Variants in MARCHF5 observed in about 807,000 individuals in gnomAD.
MARCHF5 encodes membrane associated ring-CH-type finger 5.
A neutral mutation model predicts 36.5 loss-of-function variants in MARCHF5; 5 were observed. The ratio of observed to expected loss-of-function variants is 0.14; its 90% CI spans 0.07 to 0.29. The LOEUF (loss-of-function observed/expected upper bound fraction) is 0.29. Ranked by LOEUF, MARCHF5 falls within the 10% of genes least tolerant of loss-of-function variation. The pLI is 1.00. For synonymous variants in MARCHF5, 103 were observed against 109.9 expected, an observed-to-expected ratio of 0.94 and a Z score of 0.39; for missense variants, 179 against 336.3, an observed-to-expected ratio of 0.53 and a Z score of 3.66.
intron 2 of MARCHF5, among the ~76,000 whole-genome samples, chr10:92,321,970 C>T (rs918372178): frequency 7.9e-5 from 12 of 151,726 alleles, no homozygotes; most frequent in African/African-American, 2.2e-4. Context: ...GTTGGCCAGG[C>T]GTGGTGGCTC....
intron 1 of MARCHF5, among the ~76,000 whole-genome samples, chr10:92,297,166 CT>C (rs767761093): frequency 0.025 from 3,479 of 137,778 alleles, 53 homozygotes; most frequent in African/African-American, 0.054. Context: ...TAATAGACTA[CT>C]TTTTTTTTTT....
chr10:92,333,443 A>C (rs1843464181), intron 2 of MARCHF5: 1 of 153,586 alleles, frequency 6.5e-6, no homozygotes, highest in Non-Finnish European at 1.4e-5. Flanking sequence ...TTTTTTAAGC[A>C]CCGATCTGTA....
chr10:92,292,790 C>T (rs1206794131), intron 1 of MARCHF5, among the ~76,000 whole-genome samples: 1 of 152,112 alleles, frequency 6.6e-6, no homozygotes, highest in Non-Finnish European at 1.5e-5. Flanking sequence ...CAGAAACTTA[C>T]TATTGTTTAT....
chr10:92,291,417 C>A lies in MARCHF5; in HGVS notation c.-78C>A. 4 of 1,290,404 alleles carry A rather than the reference C, an allele frequency of 3.1e-6. No homozygotes were observed. The highest frequency in any genetic ancestry group is 3.3e-6 in the Non-Finnish European group (3 of 914,004). The allele number at this position is 1,290,404 out of a possible 1,614,324, so 79.9% of individuals were successfully genotyped here. On this transcript the variant is annotated 5_prime_UTR_variant, in exon 1 of 6. Transcript: ENST00000358935. ...CGCCGGACTGCGGCCTACTCCGCCG[C>A]CTCTCAGTGCTATTGTCCCTGGGCC...
intron 2 of MARCHF5, among the ~76,000 whole-genome samples, chr10:92,320,751 G>T (rs962050453): frequency 2.0e-5 from 3 of 151,632 alleles, no homozygotes; most frequent in Non-Finnish European, 2.9e-5. Context: ...AGTTAAAAGT[G>T]TATAGAGTTT....
rs185341212 is a variant in MARCHF5, at chr10:92,308,236, C to T, written c.36-2899C>T. ...GATTATAGGCATGAGCCACCGCGCCCAGCCTATGCTTCCCCTTTCTAGATC... is the reference window on the plus strand; with the variant it reads ...GATTATAGGCATGAGCCACCGCGCCTAGCCTATGCTTCCCCTTTCTAGATC... On this transcript the variant is annotated intron_variant, in intron 1 of 5. Coordinates refer to ENST00000358935, the MANE Select transcript of MARCHF5 (RefSeq NM_017824.5). Among the ~76,000 whole-genome samples the T allele has an allele frequency of 6.5e-4, 99 of 152,098 alleles. 1 individual carries two copies. Among genetic ancestry groups the T allele is most frequent in the Admixed American group, 5.8e-3 (89 of 15,260 alleles).
chr10:92,314,751 C>T (rs902805217), intron 2 of MARCHF5, among the ~76,000 whole-genome samples: 9 of 136,758 alleles, frequency 6.6e-5, no homozygotes, highest in African/African-American at 2.5e-4. Context: ...TCCCCCCGCC[C>T]CCCCCCGCCA....
chr10:92,337,766 A>G (rs896583588), intron 2 of MARCHF5, among the ~76,000 whole-genome samples: 2 of 152,052 alleles, frequency 1.3e-5, no homozygotes, highest in Non-Finnish European at 2.9e-5. Flanking sequence ...AGGGGATAGG[A>G]TCATCTAGTG....
intron 1 of MARCHF5, among the ~76,000 whole-genome samples, chr10:92,305,129 C>T (rs1403638748): frequency 6.6e-6 from 1 of 152,062 alleles, no homozygotes; most frequent in Non-Finnish European, 1.5e-5. Flanking sequence ...ATTTACAGGG[C>T]CAGGCACGAT....
chr10:92,339,029 A>G (rs1267497446), intron 2 of MARCHF5, among the ~76,000 whole-genome samples: 1 of 148,546 alleles, frequency 6.7e-6, no homozygotes, highest in South Asian at 2.1e-4. Flanking sequence ...TGGGCAACAA[A>G]GCAAAACTCT....
intron 1 of MARCHF5, among the ~76,000 whole-genome samples, chr10:92,294,271 G>C (rs1014843682): frequency 6.6e-6 from 1 of 152,104 alleles, no homozygotes; most frequent in Non-Finnish European, 1.5e-5. Context: ...TTTGAACTTA[G>C]ATTCTGACAC....
chr10:92,296,362 A>G (rs1842948759), intron 1 of MARCHF5, among the ~76,000 whole-genome samples: 1 of 152,162 alleles, frequency 6.6e-6, no homozygotes, highest in Admixed American at 6.5e-5. Flanking sequence ...AACCATTCAT[A>G]AGCCCAAACC....
At chr10:92,318,321 G>A (rs1241100033) in intron 2 of MARCHF5, among the ~76,000 whole-genome samples, 1 of 151,712 alleles carries the variant, frequency 6.6e-6, no homozygotes, top group African/African-American at 2.4e-5. Context: ...AGCTACTCAG[G>A]AGGCTGAGGC....
intron 1 of MARCHF5, among the ~76,000 whole-genome samples, chr10:92,306,355 C>CGGCCAATCTGAGTGTTT (rs1260786514): frequency 6.6e-6 from 1 of 152,164 alleles, no homozygotes; most frequent in African/African-American, 2.4e-5. Context: ...TAGGCTACAG[C>CGGCCAATCTGAGTGTTT]GGCCAATCTG....
At chr10:92,334,713 A>G (rs1276041877) in intron 2 of MARCHF5, 1 of 152,234 alleles carries the variant, frequency 6.6e-6, no homozygotes, top group Non-Finnish European at 1.5e-5. Flanking sequence ...GTGGCAGCAA[A>G]AATCTACTTT....
At chr10:92,339,473 C>A (rs1843548906) in intron 2 of MARCHF5, among the ~76,000 whole-genome samples, 1 of 152,034 alleles carries the variant, frequency 6.6e-6, no homozygotes, top group Non-Finnish European at 1.5e-5. Context: ...AGTTCGAGAC[C>A]AACCTGACTA....
intron 1 of MARCHF5, among the ~76,000 whole-genome samples, chr10:92,297,166 CTT>C (rs767761093): frequency 6.0e-4 from 82 of 137,758 alleles, no homozygotes; most frequent in Middle Eastern, 3.8e-3. Context: ...TAATAGACTA[CTT>C]TTTTTTTTTT....
chr10:92,298,820 C>T (rs1842977885), intron 1 of MARCHF5, among the ~76,000 whole-genome samples: 1 of 152,064 alleles, frequency 6.6e-6, no homozygotes, highest in Non-Finnish European at 1.5e-5. Context: ...GCCTCAGCCT[C>T]CCATAGTGCT....
rs532301544 is a variant in MARCHF5, at chr10:92,351,275, A to G, written c.*68A>G. 269 of 965,814 alleles carry G rather than the reference A, an allele frequency of 2.8e-4. No homozygotes were observed. The highest frequency in any genetic ancestry group is 6.7e-4 in the South Asian group (47 of 70,362). The allele number at this position is 965,814 out of a possible 1,614,324, so 59.8% of individuals were successfully genotyped here. A position where few individuals can be genotyped will look rare whatever the true frequency, so the allele number is the denominator to read the frequency against. On this transcript the variant is annotated 3_prime_UTR_variant, in exon 6 of 6. Transcript: ENST00000358935. Reference sequence around the variant, plus strand: ...TCTGTTGTGTTGTTTTGATTCCATCATTAATGCACTTGTGGAGACTTGTGA... The same window carrying G: ...TCTGTTGTGTTGTTTTGATTCCATCGTTAATGCACTTGTGGAGACTTGTGA...
Sources: gnomAD v4.1 joint callset for allele counts (sites outside exome capture counted in the v4.1 genomes callset) on GRCh38, gnomAD v4.1.1 for gene constraint, MANE v1.5 for transcripts, NCBI Gene and HGNC (gene_info 2026-07-23, HGNC 2026-07-21) for gene names.